Variants in ZNF410 observed in about 807,000 individuals in gnomAD.
ZNF410 encodes another partner for ARF 1.
Under a neutral mutation model 54.8 loss-of-function variants are expected in ZNF410, and 18 were observed. The observed-to-expected ratio is 0.33, with a 90% CI of 0.23 to 0.49. ZNF410 has a LOEUF of 0.49. Ranked by LOEUF, ZNF410 falls within the 20% of genes least tolerant of loss-of-function variation. The pLI, the probability that ZNF410 is intolerant of heterozygous loss-of-function variation, is 0.99. For synonymous variants in ZNF410, 191 were observed against 207.3 expected (o/e 0.92, Z 0.68); for missense variants, 405 against 569.6 (o/e 0.71, Z 2.94).
rs531843310 is a variant in ZNF410, at chr14:73,924,833, C to T, written c.1398+1311C>T. ...CTGCTACTACAGGTGCGTGCCACCA[C>T]GCCCAGCTAATTTTTTTGTATTTTT... On this transcript the variant is annotated intron_variant, in intron 11 of 11. Coordinates refer to ENST00000555044, the MANE Select transcript of ZNF410 (RefSeq NM_021188.3). 18 of 333,178 alleles carry T rather than the reference C, an allele frequency of 5.4e-5. 1 individual carries two copies. Among genetic ancestry groups the T allele is most frequent in the Admixed American group, 5.3e-4 (12 of 22,586 alleles). 20.6% of individuals were successfully genotyped at this position (333,178 alleles called of 1,614,324 possible).
intron 1 of ZNF410, among the ~76,000 whole-genome samples, chr14:73,888,619 A>G (rs2055178705): frequency 1.3e-5 from 2 of 152,232 alleles, no homozygotes; most frequent in African/African-American, 4.8e-5. Flanking sequence ...ATAGTATGGT[A>G]TGTGAACGAT....
At chr14:73,898,982 A>G (rs1430797728) in intron 5 of ZNF410, among the ~76,000 whole-genome samples, 1 of 152,200 alleles carries the variant, frequency 6.6e-6, no homozygotes, top group Non-Finnish European at 1.5e-5. Context: ...AGACCACTGC[A>G]GAATCTTTGC....
chr14:73,907,544 G>A (rs1041637773), intron 7 of ZNF410, among the ~76,000 whole-genome samples: 5 of 151,866 alleles, frequency 3.3e-5, no homozygotes, highest in East Asian at 1.9e-4. Flanking sequence ...GCAGTGAGCC[G>A]AGATTGCGCC....
intron 5 of ZNF410, 22 bp downstream of exon 5, chr14:73,898,284 C>G (rs2055353785): frequency 6.2e-7 from 1 of 1,613,262 alleles, no homozygotes. Flanking sequence ...CGGCATTTTC[C>G]TTGCCACTAT....
chr14:73,890,220 G>T (rs1223912266), intron 1 of ZNF410, among the ~76,000 whole-genome samples: 1 of 149,000 alleles, frequency 6.7e-6, no homozygotes, highest in Admixed American at 6.7e-5. Flanking sequence ...ATGGAGTCTT[G>T]CTCTGTCGCC....
At chr14:73,904,818 C>T in intron 6 of ZNF410, 84 bp from the exon 7 acceptor site, 1 of 1,458,294 alleles carries the variant, frequency 6.9e-7, no homozygotes, top group Non-Finnish European at 9.2e-7. Flanking sequence ...TACTGTTTGC[C>T]TTGAGAGTCA....
At chr14:73,900,329 G>A (rs1175400826) in intron 5 of ZNF410, among the ~76,000 whole-genome samples, 1 of 151,092 alleles carries the variant, frequency 6.6e-6, no homozygotes, top group Non-Finnish European at 1.5e-5. Flanking sequence ...AACATTATAG[G>A]TTGCTATTTG....
intron 7 of ZNF410, among the ~76,000 whole-genome samples, chr14:73,908,868 C>G (rs1008210221): frequency 6.6e-6 from 1 of 152,120 alleles, no homozygotes; most frequent in Non-Finnish European, 1.5e-5. Context: ...GACAGGGTCT[C>G]TCTCTCTGTA....
intron 7 of ZNF410, chr14:73,906,356 G>A (rs1226026886): frequency 6.6e-6 from 1 of 151,886 alleles, no homozygotes; most frequent in Non-Finnish European, 1.5e-5. Flanking sequence ...AGGGGAAAAA[G>A]TAAAACAAGG....
At chr14:73,887,928 G>C (rs1254963993) in intron 1 of ZNF410, among the ~76,000 whole-genome samples, 1 of 152,148 alleles carries the variant, frequency 6.6e-6, no homozygotes, top group Non-Finnish European at 1.5e-5. Context: ...ACTTTGAGTA[G>C]AAGTGACATA....
intron 8 of ZNF410, among the ~76,000 whole-genome samples, chr14:73,912,545 TC>T (rs939144756): frequency 2.8e-4 from 43 of 152,252 alleles, no homozygotes; most frequent in African/African-American, 9.9e-4. Context: ...TGGTGGTTTT[TC>T]TTATTCCTTT....
chr14:73,893,948 A>T lies in ZNF410; in HGVS notation c.169+16A>T. ...ATGTTACCAGGTAAAAATTAAGATC[A>T]CTAGAAATAGGATAAAGAAGTCTTA... On this transcript the variant is annotated intron_variant, in intron 3 of 11. Transcript: ENST00000555044. 6.2e-7 allele frequency: 1 copy of T among 1,603,892 alleles called. No individual in the cohort carries two copies. The highest frequency in any genetic ancestry group is 1.1e-5 in the South Asian group (1 of 89,272).
At chr14:73,901,734 G>T (rs183221042) in intron 5 of ZNF410, among the ~76,000 whole-genome samples, 1 of 151,408 alleles carries the variant, frequency 6.6e-6, no homozygotes, top group Admixed American at 6.6e-5. Context: ...AGACCAGCCT[G>T]GGCAACATGG....
intron 3 of ZNF410, among the ~76,000 whole-genome samples, chr14:73,894,932 G>A (rs997978704): frequency 6.6e-6 from 1 of 152,120 alleles, no homozygotes; most frequent in Non-Finnish European, 1.5e-5. Context: ...GGAGGCTGAG[G>A]CAGGAGGATA....
chr14:73,887,999 G>C (rs1170995179), intron 1 of ZNF410, among the ~76,000 whole-genome samples: 2 of 152,132 alleles, frequency 1.3e-5, no homozygotes, highest in Non-Finnish European at 2.9e-5. Flanking sequence ...ATTGGAAAGA[G>C]GAATTTTAAA....
Position 73,931,713 on chromosome 14 carries a change from T to C in ZNF410, c.*172T>C. On this transcript the variant is annotated 3_prime_UTR_variant, in exon 12 of 12. Coordinates refer to ENST00000555044, the MANE Select transcript of ZNF410 (RefSeq NM_021188.3). ...TAGAAGATGGATGTAGGAGAGCTTC[T>C]TTTCTAACTACCATCTGATCAGACA... The C allele has an allele frequency of 1.6e-6, 1 of 633,298 alleles. No homozygotes were observed. The highest frequency in any genetic ancestry group is 2.8e-6 in the Non-Finnish European group (1 of 354,488). The allele number at this position is 633,298 out of a possible 1,614,324, so 39.2% of individuals were successfully genotyped here.
Position 73,931,569 on chromosome 14 carries a change from A to C in ZNF410, c.*28A>C, listed in dbSNP as rs372004287. ...GTGGGTGCTGACTCCTGGAAGAGCA[A>C]CTCTATCTGATCTCAAAATGCGTAT... On this transcript the variant is annotated 3_prime_UTR_variant, in exon 12 of 12. Coordinates refer to ENST00000555044, the MANE Select transcript of ZNF410 (RefSeq NM_021188.3). The C allele has an allele frequency of 1.9e-6, 3 of 1,606,852 alleles. No individual in the cohort carries two copies. In the African/African-American group the frequency reaches 4.0e-5, roughly 22 times the overall value.
chr14:73,932,097 C>G lies in ZNF410; in HGVS notation c.*556C>G. Reference sequence around the variant, plus strand: ...AAAAAATAAATTACTTGAATCTCCCCTTGGCCCAGGCTGAGGTACTATCTT... The same window carrying G: ...AAAAAATAAATTACTTGAATCTCCCGTTGGCCCAGGCTGAGGTACTATCTT... On this transcript the variant is annotated 3_prime_UTR_variant, in exon 12 of 12. Transcript: ENST00000555044. The G allele has an allele frequency of 2.2e-6, 1 of 451,362 alleles. No homozygotes were observed. Among genetic ancestry groups the G allele is most frequent in the South Asian group, 1.6e-5 (1 of 64,112 alleles). 28.0% of individuals were successfully genotyped at this position (451,362 alleles called of 1,614,324 possible). A position where few individuals can be genotyped will look rare whatever the true frequency, so the allele number is the denominator to read the frequency against.
At chr14:73,917,304 T>C (rs768160282) in intron 8 of ZNF410, among the ~76,000 whole-genome samples, 53 of 152,234 alleles carry the variant, frequency 3.5e-4, no homozygotes, top group Non-Finnish European at 7.3e-4. Flanking sequence ...ATTGTTTTAA[T>C]ATATCACCAG....
Sources: gnomAD v4.1 joint callset for allele counts (sites outside exome capture counted in the v4.1 genomes callset) on GRCh38, gnomAD v4.1.1 for gene constraint, MANE v1.5 for transcripts, NCBI Gene and HGNC (gene_info 2026-07-23, HGNC 2026-07-21) for gene names.